WDR33: variants seen among roughly 807,000 people sequenced by gnomAD.
The protein encoded by WDR33 is pre-mRNA 3' end processing protein WDR33.
A neutral mutation model predicts 164.9 loss-of-function variants in WDR33; 47 were observed. The ratio of observed to expected loss-of-function variants is 0.29; its 90% confidence interval spans 0.23 to 0.36. WDR33 has a LOEUF of 0.36. Among genes scored for constraint, WDR33 ranks in the 10% least tolerant of loss-of-function variants. The pLI is 1.00. For missense variants in WDR33, 1,137 were observed against 1,754.1 expected (o/e 0.65, Z 6.28); for synonymous variants, 505 against 589.0 (o/e 0.86, Z 2.06).
In WDR33 at chr2:127,721,866, T is replaced by G; in HGVS notation, c.1641A>C (p.Thr547=). The G allele has an allele frequency of 3.7e-6, 6 of 1,613,944 alleles. No individual in the cohort carries two copies. The highest frequency in any genetic ancestry group is 5.1e-6 in the Non-Finnish European group (6 of 1,179,990). ...TQAEIEQEMA[T]LQYTNPQLLE... ...GAAGTTGTGGGTTAGTATATTGTAA[T>G]GTAGCCATTTCTTGCTCAATTTCTG... The change falls in exon 15 of 22, where the codon ACA becomes ACC. Residue 547 remains threonine (T), a synonymous_variant. Transcript: ENST00000322313. The surrounding 1 kb of genome is among the most constrained non-coding windows in gnomAD (Gnocchi z 4.9).
Position 127,735,340 on chromosome 2 carries a change from T to G in WDR33, c.725-8563A>C. 1 of 981,798 alleles carries G rather than the reference T, an allele frequency of 1.0e-6. No homozygotes were observed. The highest frequency in any genetic ancestry group is 1.2e-6 in the Non-Finnish European group (1 of 826,422). The allele number at this position is 981,798 out of a possible 1,614,324, so 60.8% of individuals were successfully genotyped here. On this transcript the variant is annotated intron_variant, in intron 7 of 21. Coordinates refer to ENST00000322313, the MANE Select transcript of WDR33 (RefSeq NM_018383.5). This position sits in a 1 kb window ranked among gnomAD's most constrained non-coding sequence, Gnocchi z 4.3. ...CCCCAAGCCCCTAAATAACCTGTCT[T>G]GAGACAGTCCATAGGATCCCAAAGC... is the stretch of plus-strand genomic sequence containing the variant.
chr2:127,783,795 A>G (rs7589134), intron 1 of WDR33, among the ~76,000 whole-genome samples: 4,051 of 151,580 alleles, frequency 0.027, 200 homozygotes, highest in African/African-American at 0.092. Flanking sequence ...TAGTAGAGAC[A>G]AGGTTTCACC....
rs906567270 is a variant in WDR33, at chr2:127,701,732, C to T, written c.*4591G>A. ...CGGCAGCGGCCGGCCTGACGTGCCT[C>T]CCGAGCGTGACGCGCGGGCAGCGGC... On this transcript the variant is annotated 3_prime_UTR_variant, in exon 22 of 22. Coordinates refer to ENST00000322313, the MANE Select transcript of WDR33 (RefSeq NM_018383.5). The T allele has an allele frequency of 2.1e-6, 3 of 1,401,654 alleles. No individual in the cohort carries two copies. The highest frequency in any genetic ancestry group is 1.5e-5 in the African/African-American group (1 of 66,448). The allele number at this position is 1,401,654 out of a possible 1,614,324, so 86.8% of individuals were successfully genotyped here.
chr2:127,713,876 AGGGCCACGCCTATCAGGG>A lies in WDR33; in HGVS notation c.2997_3014del (p.Pro1000_Pro1005del), dbSNP rs775481050. The A allele has an allele frequency of 6.2e-7, 1 of 1,614,196 alleles. No individual in the cohort carries two copies. The highest frequency in any genetic ancestry group is 8.5e-7 in the Non-Finnish European group (1 of 1,180,024). ...TGAAGTCATCGGGGAAGTCTGGGTGAGGGCCACGCCTATCAGGGGGACCCCTGCAGTCCTGGCCACCCC... is the reference window on the plus strand; with the variant it reads ...TGAAGTCATCGGGGAAGTCTGGGTGAGGACCCCTGCAGTCCTGGCCACCCC... On this transcript the variant is annotated inframe_deletion, in exon 18 of 22. Transcript: ENST00000322313. The surrounding 1 kb of genome is among the most constrained non-coding windows in gnomAD (Gnocchi z 6.2).
At position 127,710,620 on chromosome 2, in the gene WDR33, T is replaced by C. The variant is rs1686136677; in HGVS notation, c.3309-764A>G. 6.6e-6 allele frequency among the ~76,000 whole-genome samples: 1 copy of C among 152,226 alleles called. No homozygotes were observed. The highest frequency in any genetic ancestry group is 1.5e-5 in the Non-Finnish European group (1 of 68,028). On this transcript the variant is annotated intron_variant, in intron 18 of 21. Coordinates refer to ENST00000322313, the MANE Select transcript of WDR33 (RefSeq NM_018383.5). This position sits in a 1 kb window ranked among gnomAD's most constrained non-coding sequence, Gnocchi z 4.4. ...CTCAGGAATTTTGGAGCCAGGAGACTACACTGACTGGGAGTATTGCTGAGG... is the reference window on the plus strand; with the variant it reads ...CTCAGGAATTTTGGAGCCAGGAGACCACACTGACTGGGAGTATTGCTGAGG...
chr2:127,789,824 T>G (rs915099300), intron 1 of WDR33, among the ~76,000 whole-genome samples: 4 of 151,802 alleles, frequency 2.6e-5, no homozygotes, highest in African/African-American at 9.7e-5. Context: ...TCCTTTCTAT[T>G]ACTGGTTTGC....
chr2:127,777,094 CAAAT>C (rs781036036), intron 1 of WDR33, among the ~76,000 whole-genome samples: 1 of 152,192 alleles, frequency 6.6e-6, no homozygotes, highest in Non-Finnish European at 1.5e-5. Flanking sequence ...AGAGAAAAGA[CAAAT>C]AATTTGCCTA....
At chr2:127,769,124 TA>T (rs1687913999) in intron 2 of WDR33, 123 bp from the exon 3 acceptor site, 1 of 489,482 alleles carries the variant, frequency 2.0e-6, no homozygotes, top group Non-Finnish European at 3.0e-6. Context: ...TAAACAGAAT[TA>T]AAAAATATTA....
intron 1 of WDR33, among the ~76,000 whole-genome samples, chr2:127,771,475 T>C (rs1687999785): frequency 6.6e-6 from 1 of 152,174 alleles, no homozygotes; most frequent in African/African-American, 2.4e-5. Context: ...CACAATGTCA[T>C]TTTGTGGTGC....
intron 1 of WDR33, among the ~76,000 whole-genome samples, chr2:127,793,288 G>A (rs879660899): frequency 2.0e-4 from 31 of 151,876 alleles, no homozygotes; most frequent in Non-Finnish European, 3.8e-4. Context: ...AAAATTAGCC[G>A]GGCATGATGG....
In WDR33 at chr2:127,732,701, T is replaced by A. The variant is rs148478411; in HGVS notation, c.725-5924A>T. On this transcript the variant is annotated intron_variant, in intron 7 of 21. Transcript: ENST00000322313. Reference sequence around the variant, plus strand: ...TCCCAGGAAGATGTGCCTCAGATACTCAGCAGGGATGCAGCTTTTCACTGA... The same window carrying A: ...TCCCAGGAAGATGTGCCTCAGATACACAGCAGGGATGCAGCTTTTCACTGA... Among the ~76,000 whole-genome samples, 32 of 152,240 alleles carry A rather than the reference T, an allele frequency of 2.1e-4. No individual in the cohort carries two copies. The East Asian group carries it at 6.2e-3, about 29-fold the overall frequency.
chr2:127,768,210 C>T lies in WDR33; in HGVS notation c.357G>A (p.Lys119=). The T allele has an allele frequency of 6.3e-7, 1 of 1,578,000 alleles. No individual in the cohort carries two copies. The highest frequency in any genetic ancestry group is 1.2e-5 in the South Asian group (1 of 85,000). The stretch of plus-strand genomic sequence containing the variant: ...TTACCCTAACAACAAATACAGGACA[C>T]TTTACTTTATTTGTTGATGTCCGAA... The part of the protein sequence containing the change: ...KFVRTSTNKV[K]CPVFVVRWTP... The change falls in exon 4 of 22, where the codon AAG becomes AAA. Residue 119 remains lysine, a synonymous_variant. Coordinates refer to ENST00000322313, the MANE Select transcript of WDR33 (RefSeq NM_018383.5).
In WDR33 at chr2:127,735,923, T is replaced by C. The variant is rs760871676; in HGVS notation, c.725-9146A>G. The C allele has an allele frequency of 2.3e-5, 23 of 985,334 alleles. No individual in the cohort carries two copies. Among genetic ancestry groups the C allele is most frequent in the Non-Finnish European group, 2.7e-5 (22 of 829,948 alleles). 61.0% of individuals were successfully genotyped at this position (985,334 alleles called of 1,614,324 possible). A position where few individuals can be genotyped will look rare whatever the true frequency, so the allele number is the denominator to read the frequency against. On this transcript the variant is annotated intron_variant, in intron 7 of 21. Coordinates refer to ENST00000322313, the MANE Select transcript of WDR33 (RefSeq NM_018383.5). This position sits in a 1 kb window ranked among gnomAD's most constrained non-coding sequence, Gnocchi z 4.3. Reference sequence around the variant, plus strand: ...CTAGAAAGTTACATCAGTGAAAAACTATAGAATTAAATGGAAAGTTAATTC... The same window carrying C: ...CTAGAAAGTTACATCAGTGAAAAACCATAGAATTAAATGGAAAGTTAATTC...
At chr2:127,736,301 G>A in intron 7 of WDR33, 2 of 985,404 alleles carry the variant, frequency 2.0e-6, no homozygotes, top group Non-Finnish European at 1.2e-6. Flanking sequence ...GGAGACTGGG[G>A]AAGGGCATGT....
In WDR33 at chr2:127,719,425, C is replaced by T; in HGVS notation, c.2600G>A (p.Gly867Asp). ...ACCCTGGGGTGGAGGTCCTAAAGAGCCCTGGGGCGGCCCCTGCTGACTTTG... is the reference window on the plus strand; with the variant it reads ...ACCCTGGGGTGGAGGTCCTAAAGAGTCCTGGGGCGGCCCCTGCTGACTTTG... ...GSQSQQGPPQ[G>D]SLGPPPQGGM... The change falls in exon 16 of 22, where the codon GGC becomes GAC. Residue 867 changes from glycine to aspartate, a missense_variant. Coordinates refer to ENST00000322313, the MANE Select transcript of WDR33 (RefSeq NM_018383.5). This position sits in a 1 kb window ranked among gnomAD's most constrained non-coding sequence, Gnocchi z 6.5. 3.2e-6 allele frequency: 5 copies of T among 1,556,686 alleles called. No individual in the cohort carries two copies. Among genetic ancestry groups the T allele is most frequent in the Non-Finnish European group, 4.3e-6 (5 of 1,151,790 alleles).
rs2105365170 is a variant in WDR33 at position 127,702,978 on chromosome 2, G to GTA, written c.*3343_*3344dup. 1 of 167,044 alleles carries GTA rather than the reference G, an allele frequency of 6.0e-6. No homozygotes were observed. The highest frequency in any genetic ancestry group is 1.9e-4 in the East Asian group (1 of 5,204). 10.3% of individuals were successfully genotyped at this position (167,044 alleles called of 1,614,324 possible). On this transcript the variant is annotated 3_prime_UTR_variant, in exon 22 of 22. Transcript: ENST00000322313. ...CTACAAGCTCGAATTATTCCTCATT[G>GTA]TATAGCCTGCTTTGTAAACTAGTTT...
At position 127,719,018 on chromosome 2, in the gene WDR33, C is replaced by CT. The variant is rs1225963534; in HGVS notation, c.2760+246dup. ...AGAGTTGACCTTTTCTGAAGAAACTCTATTACCAAAAAAAGAAAAATGGTG... is the reference window on the plus strand; with the variant it reads ...AGAGTTGACCTTTTCTGAAGAAACTCTTATTACCAAAAAAAGAAAAATGGTG... On this transcript the variant is annotated intron_variant, in intron 16 of 21. Transcript: ENST00000322313. This position sits in a 1 kb window ranked among gnomAD's most constrained non-coding sequence, Gnocchi z 6.5. Among the ~76,000 whole-genome samples, 2 of 152,084 alleles carry CT rather than the reference C, an allele frequency of 1.3e-5. No individual in the cohort carries two copies. Among genetic ancestry groups the CT allele is most frequent in the Non-Finnish European group, 2.9e-5 (2 of 68,002 alleles).
intron 7 of WDR33, chr2:127,737,691 A>G (rs11686607): frequency 0.036 from 38,738 of 1,079,630 alleles, 774 homozygotes; most frequent in Non-Finnish European, 0.04. Context: ...ACGCAGAACC[A>G]AGAAGGAAAA....
chr2:127,801,910 G>A (rs961263892), intron 1 of WDR33, among the ~76,000 whole-genome samples: 11 of 151,888 alleles, frequency 7.2e-5, no homozygotes, highest in African/African-American at 2.7e-4. Context: ...GCCAGGCACA[G>A]TGGCTCCTGC....
Sources: allele counts gnomAD v4.1 joint callset (sites outside exome capture counted in the v4.1 genomes callset), GRCh38; gene constraint gnomAD v4.1.1; non-coding constraint Gnocchi (gnomAD v3.1); transcripts MANE v1.5; gene names NCBI Gene and HGNC (gene_info 2026-07-23, HGNC 2026-07-21).